SEC23A: variants seen among roughly 807,000 people sequenced by gnomAD.
The protein encoded by SEC23A is protein transport protein Sec23A.
A neutral mutation model predicts 103.7 loss-of-function variants in SEC23A; 56 were observed. The ratio of observed to expected loss-of-function variants is 0.54; its 90% CI spans 0.44 to 0.67. SEC23A has a LOEUF of 0.67. Ranked by LOEUF, SEC23A falls within the 30% of genes least tolerant of loss-of-function variation. The probability of loss-of-function intolerance (pLI) is 0.00; values close to 1 mark genes in which losing one functional copy is unlikely to be tolerated. For missense variants in SEC23A, 784 were observed against 936.4 expected, an observed-to-expected ratio of 0.84 and a Z score of 2.12; for synonymous variants, 281 against 293.0, an observed-to-expected ratio of 0.96 and a Z score of 0.42.
chr14:39,040,523 A>G (rs1181017508), intron 18 of SEC23A: 4 of 606,880 alleles, frequency 6.6e-6, no homozygotes, highest in Admixed American at 2.7e-5. Context: ...AAGATGATGG[A>G]AAGTGCCAGG....
chr14:39,094,265 CATATATACACATATACACATATATAT>C (rs1308228528), intron 2 of SEC23A, among the ~76,000 whole-genome samples: 1 of 86,838 alleles, frequency 1.2e-5, no homozygotes, highest in Non-Finnish European at 2.3e-5. Flanking sequence ...CATATATATG[CATATATACACATATACACATATATAT>C]GCATATATAC....
chr14:39,079,936 T>C (rs1311178978), intron 7 of SEC23A, among the ~76,000 whole-genome samples: 2 of 152,198 alleles, frequency 1.3e-5, no homozygotes, highest in African/African-American at 4.8e-5. Flanking sequence ...GTTTGAATGT[T>C]TTCACAAGGT....
chr14:39,094,195 T>C (rs1016793986), intron 2 of SEC23A, among the ~76,000 whole-genome samples: 9 of 144,378 alleles, frequency 6.2e-5, no homozygotes, highest in Admixed American at 2.9e-4. Flanking sequence ...CATATACATA[T>C]ACATATATAT....
At chr14:39,059,278 T>TAAAAAAAA (rs750853379) in intron 13 of SEC23A, among the ~76,000 whole-genome samples, 1,296 of 71,596 alleles carry the variant, frequency 0.018, 138 homozygotes, top group East Asian at 0.027. Flanking sequence ...AGTCCTAGTT[T>TAAAAAAAA]AAAAAAAAAA....
intron 7 of SEC23A, among the ~76,000 whole-genome samples, chr14:39,077,794 G>A (rs769803969): frequency 2.0e-5 from 3 of 151,204 alleles, no homozygotes; most frequent in Non-Finnish European, 4.4e-5. Flanking sequence ...TTAGCCAGGT[G>A]TGGTAGTGCA....
intron 10 of SEC23A, among the ~76,000 whole-genome samples, chr14:39,066,068 A>G (rs1314888831): frequency 6.7e-6 from 1 of 150,128 alleles, no homozygotes; most frequent in African/African-American, 2.5e-5. Flanking sequence ...TCTAGAATAA[A>G]TTGTGTCCTA....
chr14:39,096,197 T>C (rs1283086561), intron 1 of SEC23A, 58 bp from the exon 2 acceptor site: 7 of 1,146,326 alleles, frequency 6.1e-6, no homozygotes, highest in South Asian at 1.3e-5. Context: ...ACGTTCAAAA[T>C]ATGAATGTTC....
chr14:39,100,562 G>A (rs942436960), intron 1 of SEC23A, among the ~76,000 whole-genome samples: 1 of 151,736 alleles, frequency 6.6e-6, no homozygotes, highest in Non-Finnish European at 1.5e-5. Context: ...ACGGGCATAA[G>A]CCACCACACC....
At chr14:39,082,581 C>A (rs1350264957) in intron 7 of SEC23A, among the ~76,000 whole-genome samples, 2 of 151,988 alleles carry the variant, frequency 1.3e-5, no homozygotes, top group Non-Finnish European at 2.9e-5. Context: ...TGAAATAAAT[C>A]AACATGGGGG....
At chr14:39,067,857 A>G (rs1886726313) in intron 9 of SEC23A, among the ~76,000 whole-genome samples, 1 of 151,646 alleles carries the variant, frequency 6.6e-6, no homozygotes, top group South Asian at 2.1e-4. Flanking sequence ...TTTTGTAGAG[A>G]TAGGGTTTTG....
rs1394505662 is a variant in SEC23A, at chr14:39,063,317, G to A, written c.1398+7C>T. The A allele has an allele frequency of 2.6e-6, 4 of 1,547,948 alleles. No homozygotes were observed. The highest frequency in any genetic ancestry group is 3.6e-6 in the Non-Finnish European group (4 of 1,120,088). ...ACGTTTTGATATTCAGATGTAGAAA[G>A]TCATACCTGATTGACAACCTCAAAA... is the stretch of plus-strand genomic sequence containing the variant. On this transcript the variant is annotated splice_region_variant and intron_variant, in intron 12 of 19. Coordinates refer to ENST00000307712, the MANE Select transcript of SEC23A (RefSeq NM_006364.4).
chr14:39,038,059 C>A (rs896882404), intron 19 of SEC23A, among the ~76,000 whole-genome samples: 3 of 152,186 alleles, frequency 2.0e-5, no homozygotes, highest in Non-Finnish European at 4.4e-5. Flanking sequence ...TCTCACTCCT[C>A]AACCTGACAT....
At chr14:39,070,067 C>T (rs1886794495) in intron 9 of SEC23A, among the ~76,000 whole-genome samples, 1 of 152,162 alleles carries the variant, frequency 6.6e-6, no homozygotes, top group Admixed American at 6.5e-5. Context: ...ATTTTAGTTC[C>T]TCAGTCATAC....
intron 5 of SEC23A, among the ~76,000 whole-genome samples, chr14:39,090,176 T>C (rs1326585767): frequency 6.6e-6 from 1 of 152,172 alleles, no homozygotes; most frequent in Non-Finnish European, 1.5e-5. Flanking sequence ...TTGGTCTACC[T>C]GGAAGCCTCT....
intron 12 of SEC23A, among the ~76,000 whole-genome samples, chr14:39,062,579 ATAAT>A (rs1328425380): frequency 1.3e-5 from 2 of 152,168 alleles, no homozygotes; most frequent in African/African-American, 4.8e-5. Context: ...GCAATATATA[ATAAT>A]TATCATCAGA....
At chr14:39,095,293 CACA>C (rs1887846878) in intron 2 of SEC23A, among the ~76,000 whole-genome samples, 1 of 151,256 alleles carries the variant, frequency 6.6e-6, no homozygotes, top group South Asian at 2.1e-4. Context: ...GTCACTCAAT[CACA>C]ACTTTTTTTT....
intron 11 of SEC23A, among the ~76,000 whole-genome samples, chr14:39,064,396 T>C (rs934792789): frequency 3.9e-5 from 6 of 152,354 alleles, no homozygotes; most frequent in Middle Eastern, 3.4e-3. Context: ...ATTTGGTTAC[T>C]TTTTTGAAAA....
At chr14:39,050,364 G>C (rs1442234928) in intron 14 of SEC23A, among the ~76,000 whole-genome samples, 1 of 152,124 alleles carries the variant, frequency 6.6e-6, no homozygotes, top group Non-Finnish European at 1.5e-5. Context: ...GGACCCTAGG[G>C]GTCAATGCCT....
At chr14:39,036,360 C>T (rs148573418) in intron 19 of SEC23A, among the ~76,000 whole-genome samples, 2,144 of 145,216 alleles carry the variant, frequency 0.015, 83 homozygotes, top group African/African-American at 0.051. Context: ...ATTATGGAAG[C>T]ATGCTCTAGA....
Sources: gnomAD v4.1 joint callset for allele counts (sites outside exome capture counted in the v4.1 genomes callset) on GRCh38, gnomAD v4.1.1 for gene constraint, MANE v1.5 for transcripts, NCBI Gene and HGNC (gene_info 2026-07-23, HGNC 2026-07-21) for gene names.